ANKRD30A: variants seen among roughly 807,000 people sequenced by gnomAD.
The protein encoded by ANKRD30A is ankyrin repeat domain 30A, also known as ankyrin repeat domain-containing protein 30A.
A neutral mutation model predicts 166.3 loss-of-function variants in ANKRD30A; 170 were observed. The observed-to-expected ratio is 1.02, with a 90% confidence interval of 0.90 to 1.16. The LOEUF is 1.16. Among genes scored for constraint, ANKRD30A ranks in the 50% most tolerant of loss-of-function variants. The probability of loss-of-function intolerance (pLI) is 0.00; values close to 1 mark genes in which losing one functional copy is unlikely to be tolerated. For synonymous variants in ANKRD30A, 564 were observed against 508.9 expected, an observed-to-expected ratio of 1.11 and a Z score of -1.46; for missense variants, 1,630 against 1,518.0, an observed-to-expected ratio of 1.07 and a Z score of -1.23.
intron 11 of ANKRD30A, 72 bp downstream of exon 11, chr10:37,149,921 C>T (rs1837793507): frequency 3.2e-6 from 5 of 1,576,938 alleles, no homozygotes; most frequent in Non-Finnish European, 4.3e-6. Context: ...TTTCTATCCC[C>T]AATGCTTTAT....
At chr10:37,158,817 C>A (rs1348766188) in intron 15 of ANKRD30A, among the ~76,000 whole-genome samples, 1 of 152,156 alleles carries the variant, frequency 6.6e-6, no homozygotes, top group South Asian at 2.1e-4. Flanking sequence ...ACTTTAATAT[C>A]CTGATAGTGT....
Position 37,125,652 on chromosome 10 carries a change from G to GCCGT in ANKRD30A, c.-136_-135insCCGT. 1.8e-5 allele frequency: 7 copies of GCCGT among 386,488 alleles called. No homozygotes were observed. The highest frequency in any genetic ancestry group is 9.9e-5 in the East Asian group (2 of 20,232). 23.9% of individuals were successfully genotyped at this position (386,488 alleles called of 1,614,324 possible). ...AGGCCTGAGTGTGCAAGAGCTTGGCGAACACAGAACTTTTTACGGGTATCG... is the reference window on the plus strand; with the variant it reads ...AGGCCTGAGTGTGCAAGAGCTTGGCGCCGTAACACAGAACTTTTTACGGGTATCG... On this transcript the variant is annotated 5_prime_UTR_variant, in exon 1 of 36. Coordinates refer to ENST00000361713, the MANE Select transcript of ANKRD30A (RefSeq NM_052997.3).
intron 18 of ANKRD30A, among the ~76,000 whole-genome samples, chr10:37,166,302 A>G (rs1345749552): frequency 4.6e-5 from 7 of 152,208 alleles, no homozygotes; most frequent in African/African-American, 1.7e-4. Context: ...TAAGTTAGAT[A>G]TTTTTAAGAG....
chr10:37,141,448 TA>T (rs1837100696), intron 6 of ANKRD30A, among the ~76,000 whole-genome samples: 1 of 151,324 alleles, frequency 6.6e-6, no homozygotes, highest in Non-Finnish European at 1.5e-5. Flanking sequence ...CCCACGTCTG[TA>T]ATCCCAGCTA....
At chr10:37,142,768 T>G (rs1336443995) in intron 7 of ANKRD30A, among the ~76,000 whole-genome samples, 2 of 151,822 alleles carry the variant, frequency 1.3e-5, no homozygotes, top group Non-Finnish European at 2.9e-5. Flanking sequence ...TTTTGTATTT[T>G]TAGTAGAGAT....
At chr10:37,152,480 A>G (rs1040671277) in intron 12 of ANKRD30A, among the ~76,000 whole-genome samples, 1 of 152,136 alleles carries the variant, frequency 6.6e-6, no homozygotes, top group Non-Finnish European at 1.5e-5. Flanking sequence ...TAGATGTACA[A>G]AAGTTCTAAT....
At chr10:37,127,088 A>AAAAAAAAAAAAT in intron 1 of ANKRD30A, among the ~76,000 whole-genome samples, 1 of 143,264 alleles carries the variant, frequency 7.0e-6, no homozygotes, top group African/African-American at 2.6e-5. Flanking sequence ...AAAAAAAATC[A>AAAAAAAAAAAAT]CAAATTGTTC....
chr10:37,162,901 T>G (rs1313507074), intron 17 of ANKRD30A, 53 bp downstream of exon 17: 59 of 1,585,208 alleles, frequency 3.7e-5, no homozygotes, highest in Admixed American at 1.9e-4. Flanking sequence ...ATTGGACATT[T>G]TGATGGTCTT....
chr10:37,237,223 G>A (rs940229651), downstream of ANKRD30A, among the ~76,000 whole-genome samples: 3 of 152,182 alleles, frequency 2.0e-5, no homozygotes, highest in Admixed American at 2.0e-4. Flanking sequence ...CTGGCCTGGA[G>A]CTACTTGGCT....
intron 31 of ANKRD30A, among the ~76,000 whole-genome samples, chr10:37,212,232 AACAG>A (rs1382218984): frequency 9.9e-5 from 15 of 152,154 alleles, no homozygotes; most frequent in Admixed American, 3.9e-4. Context: ...ATAACAGACA[AACAG>A]ACAGCCAAAT....
At position 37,142,026 on chromosome 10, in the gene ANKRD30A, A is replaced by G; in HGVS notation, c.1129A>G (p.Lys377Glu). The change falls in exon 7 of 36, where the codon AAA (lysine) becomes GAA (glutamate). Residue 377 changes from lysine to glutamate, a missense_variant. This residue lies in a region of ANKRD30A where 904 missense variants were observed against 818.5 expected (regional missense o/e 1.10). Transcript: ENST00000361713. ...ETSEKFTWPA[K>E]GRPRKIAWEK... ...ATCTGAGAAATTTACGTGGCCAGCAAAAGGAAGACCTAGGAAGATCGCATG... is the reference window on the plus strand; with the variant it reads ...ATCTGAGAAATTTACGTGGCCAGCAGAAGGAAGACCTAGGAAGATCGCATG... The G allele has an allele frequency of 6.2e-7, 1 of 1,605,738 alleles. No individual in the cohort carries two copies. The highest frequency in any genetic ancestry group is 8.5e-7 in the Non-Finnish European group (1 of 1,176,770).
intron 1 of ANKRD30A, 50 bp from the exon 2 acceptor site, chr10:37,129,843 T>C: frequency 8.8e-7 from 1 of 1,141,560 alleles, no homozygotes; most frequent in Non-Finnish European, 1.2e-6. Context: ...TCATTGTATG[T>C]TTTGGGACAG....
intron 15 of ANKRD30A, among the ~76,000 whole-genome samples, chr10:37,159,892 C>T (rs1838717149): frequency 6.6e-6 from 1 of 152,068 alleles, no homozygotes; most frequent in Non-Finnish European, 1.5e-5. Flanking sequence ...GACAGGGTTT[C>T]AGTGTGTTAG....
intron 9 of ANKRD30A, 122 bp from the exon 10 acceptor site, chr10:37,149,529 A>T (rs1215964095): frequency 1.6e-6 from 2 of 1,240,576 alleles, no homozygotes; most frequent in East Asian, 4.7e-5. Flanking sequence ...AAACTTTCCA[A>T]ATCTAAAGTA....
intron 11 of ANKRD30A, 49 bp downstream of exon 11, chr10:37,149,898 C>A: frequency 6.2e-7 from 1 of 1,604,530 alleles, no homozygotes; most frequent in Non-Finnish European, 8.5e-7. Context: ...CAATATTGGA[C>A]ATTTTGATGG....
At chr10:37,243,602 G>T in the ANKRD30A span, among the ~76,000 whole-genome samples, 12 of 152,062 alleles carry the variant, frequency 7.9e-5, no homozygotes, top group African/African-American at 2.9e-4. Context: ...TACTTAACGT[G>T]GTCAATAGGT....
chr10:37,141,778 C>G lies in ANKRD30A; in HGVS notation c.881C>G (p.Thr294Arg), dbSNP rs748696914. ...AAPLAERTPD[T>R]AESLVEKTPD... is the part of the protein sequence containing the mutation. ...CCCTTGGCGGAAAGAACACCTGACA[C>G]AGCTGAAAGCTTGGTGGAAAAAACA... Residue 294 changes from threonine (T) to arginine (R), a missense_variant, in exon 7 of 36, where the codon ACA (threonine) becomes AGA (arginine). Physicochemically the swap from Thr to Arg is moderately conservative, Grantham distance 71. Around this residue, in one of 4 missense-constraint regions of ANKRD30A, gnomAD observed 904 missense variants for 818.5 expected, o/e 1.10. Transcript: ENST00000361713. 6.2e-7 allele frequency: 1 copy of G among 1,612,230 alleles called. No individual in the cohort carries two copies.
At chr10:37,255,812 A>C in the ANKRD30A span, among the ~76,000 whole-genome samples, 1 of 152,194 alleles carries the variant, frequency 6.6e-6, no homozygotes, top group Non-Finnish European at 1.5e-5. Context: ...CTTTGCATTT[A>C]TTATTATTCT....
chr10:37,246,569 T>A, the ANKRD30A span, among the ~76,000 whole-genome samples: 1 of 152,210 alleles, frequency 6.6e-6, no homozygotes, highest in South Asian at 2.1e-4. Context: ...ATTTTCATAG[T>A]TTATGCATGA....
Sources: allele counts gnomAD v4.1 joint callset (sites outside exome capture counted in the v4.1 genomes callset), GRCh38; gene constraint gnomAD v4.1.1; regional missense constraint gnomAD v4.1.1; transcripts MANE v1.5; gene names NCBI Gene and HGNC (gene_info 2026-07-23, HGNC 2026-07-21).